Variants in WASHC5 observed in about 807,000 individuals in gnomAD.
The protein encoded by WASHC5 is WASH complex subunit strumpellin.
In WASHC5, 101 loss-of-function variants were observed where a neutral mutation model predicts 150.4. That is an observed-to-expected ratio of 0.67 (90% CI 0.57 to 0.79). The LOEUF is 0.79. Ranked by LOEUF, WASHC5 falls within the 30% of genes least tolerant of loss-of-function variation. The probability of loss-of-function intolerance (pLI) is 0.00; values close to 1 mark genes in which losing one functional copy is unlikely to be tolerated. For missense variants in WASHC5, 1,195 were observed against 1,396.3 expected (o/e 0.86, Z 2.30); for synonymous variants, 467 against 491.2 (o/e 0.95, Z 0.65).
At chr8:125,036,313 C>T (rs1393664806) in intron 26 of WASHC5, among the ~76,000 whole-genome samples, 1 of 152,136 alleles carries the variant, frequency 6.6e-6, no homozygotes, top group Non-Finnish European at 1.5e-5. Flanking sequence ...AACAAAGGTC[C>T]CTCACATTCT....
At position 125,087,989 on chromosome 8, in the gene WASHC5, C is replaced by A. The variant is rs140618545; in HGVS notation, c.-125+3626G>T. 6.8e-4 allele frequency among the ~76,000 whole-genome samples: 103 copies of A among 152,166 alleles called. No homozygotes were observed. The East Asian group carries it at 0.017, about 25-fold the overall frequency. On this transcript the variant is annotated intron_variant, in intron 1 of 28. Transcript: ENST00000318410. ...ATATGCTAGTTTCCATAGAGCACCTCGGGCAGAAGTCAGAAGGAAATGAGA... is the reference window on the plus strand; with the variant it reads ...ATATGCTAGTTTCCATAGAGCACCTAGGGCAGAAGTCAGAAGGAAATGAGA...
intron 28 of WASHC5, among the ~76,000 whole-genome samples, chr8:125,025,292 T>C (rs191693954): frequency 6.8e-4 from 104 of 152,250 alleles, no homozygotes; most frequent in African/African-American, 2.4e-3. Context: ...AACCTGCTAA[T>C]GAGAGGAAAT....
At chr8:125,085,431 G>A (rs1343348395) in intron 1 of WASHC5, among the ~76,000 whole-genome samples, 1 of 152,152 alleles carries the variant, frequency 6.6e-6, no homozygotes, top group Non-Finnish European at 1.5e-5. Context: ...GGCAGACACA[G>A]GGTTGATTTC....
chr8:125,084,292 G>A (rs1817355219), intron 1 of WASHC5, among the ~76,000 whole-genome samples: 1 of 152,190 alleles, frequency 6.6e-6, no homozygotes, highest in Non-Finnish European at 1.5e-5. Flanking sequence ...CTAGGGAGAA[G>A]GAACCACTGG....
intron 19 of WASHC5, among the ~76,000 whole-genome samples, chr8:125,048,077 T>C (rs1275044803): frequency 1.3e-5 from 2 of 152,144 alleles, no homozygotes; most frequent in African/African-American, 2.4e-5. Context: ...AAATACCACA[T>C]ATAACATTTA....
intron 10 of WASHC5, among the ~76,000 whole-genome samples, chr8:125,065,216 C>G (rs916916466): frequency 1.3e-5 from 2 of 152,136 alleles, no homozygotes; most frequent in Non-Finnish European, 2.9e-5. Flanking sequence ...GAAAGTGACT[C>G]TATGAACTGT....
At chr8:125,068,811 T>C (rs1280986191) in intron 9 of WASHC5, among the ~76,000 whole-genome samples, 8 of 152,244 alleles carry the variant, frequency 5.3e-5, no homozygotes, top group Admixed American at 2.6e-4. Flanking sequence ...AGGCAGTGAT[T>C]GACCCAAGGT....
chr8:125,037,718 G>A (rs1304912179), intron 25 of WASHC5, among the ~76,000 whole-genome samples: 3 of 152,136 alleles, frequency 2.0e-5, no homozygotes, highest in Non-Finnish European at 4.4e-5. Context: ...AGAAGAGAGA[G>A]AGAGGGAAAG....
chr8:125,088,709 A>T (rs1000904020), intron 1 of WASHC5, among the ~76,000 whole-genome samples: 4 of 152,070 alleles, frequency 2.6e-5, no homozygotes, highest in African/African-American at 9.7e-5. Flanking sequence ...TCCCAGCCTG[A>T]CTGCAATGTT....
intron 16 of WASHC5, 73 bp downstream of exon 16, chr8:125,056,604 T>C: frequency 6.5e-7 from 1 of 1,533,914 alleles, no homozygotes; most frequent in East Asian, 2.3e-5. Context: ...ATATGGCAGG[T>C]GACACAGGCC....
intron 16 of WASHC5, among the ~76,000 whole-genome samples, chr8:125,055,936 A>T (rs1816390709): frequency 6.6e-6 from 1 of 152,200 alleles, no homozygotes; most frequent in African/African-American, 2.4e-5. Flanking sequence ...GCAGAATTCA[A>T]TGATCTAGAT....
chr8:125,078,400 C>A (rs964026742), intron 6 of WASHC5, among the ~76,000 whole-genome samples: 3 of 152,304 alleles, frequency 2.0e-5, no homozygotes, highest in South Asian at 2.1e-4. Flanking sequence ...TCAGTAGGGG[C>A]AGGGACATGG....
At chr8:125,070,538 T>C (rs562750840) in intron 9 of WASHC5, among the ~76,000 whole-genome samples, 2 of 152,320 alleles carry the variant, frequency 1.3e-5, no homozygotes, top group South Asian at 4.1e-4. Context: ...GCTGAGTCAC[T>C]AGAAAACCCC....
rs181170709 is a variant in WASHC5 at position 125,064,949 on chromosome 8, T to C, written c.1279-1298A>G. ...GAATAATGAAATTATTTATAGAGTC[T>C]ACCCTAACTTTCTGAGTCCCTCGGA... On this transcript the variant is annotated intron_variant, in intron 10 of 28. Transcript: ENST00000318410. Among the ~76,000 whole-genome samples the C allele has an allele frequency of 1.8e-4, 27 of 152,284 alleles. No homozygotes were observed. In the East Asian group the frequency reaches 5.2e-3, roughly 29 times the overall value.
Position 125,044,692 on chromosome 8 carries a change from T to C in WASHC5, c.2511A>G (p.Thr837=). The part of the protein sequence containing the change: ...EILRITDPKM[T]CHIDQLNTWY... ...AAGTGTTCAGCTGGTCTATGTGACA[T>C]GTCATTCTAAAATGAAAACAATGCA... The change falls in exon 21 of 29, where the codon ACA becomes ACG. Residue 837 remains threonine, a synonymous_variant. Transcript: ENST00000318410. 1 of 1,614,032 alleles carries C rather than the reference T, an allele frequency of 6.2e-7. No individual in the cohort carries two copies. The highest frequency in any genetic ancestry group is 8.5e-7 in the Non-Finnish European group (1 of 1,179,922).
At chr8:125,053,261 A>C (rs922025361) in intron 17 of WASHC5, among the ~76,000 whole-genome samples, 1 of 152,172 alleles carries the variant, frequency 6.6e-6, no homozygotes, top group Non-Finnish European at 1.5e-5. Context: ...CGAGGGCCAC[A>C]GGATTACTTT....
chr8:125,038,803 C>A, intron 25 of WASHC5, 27 bp downstream of exon 25: 1 of 1,612,848 alleles, frequency 6.2e-7, no homozygotes, highest in Non-Finnish European at 8.5e-7. Flanking sequence ...ACCCCCATCC[C>A]CGCCATTATA....
At chr8:125,077,574 G>T (rs1056169778) in intron 6 of WASHC5, among the ~76,000 whole-genome samples, 2 of 152,186 alleles carry the variant, frequency 1.3e-5, no homozygotes, top group African/African-American at 4.8e-5. Context: ...GGAGGAAATG[G>T]AAGCACATTG....
chr8:125,040,556 T>G (rs1815856085), intron 23 of WASHC5: 1 of 154,254 alleles, frequency 6.5e-6, no homozygotes, highest in Non-Finnish European at 1.4e-5. Flanking sequence ...TCCCCATGTG[T>G]CATGGGAGGG....
Sources: gnomAD v4.1 joint callset for allele counts (sites outside exome capture counted in the v4.1 genomes callset) on GRCh38, gnomAD v4.1.1 for gene constraint, MANE v1.5 for transcripts, NCBI Gene and HGNC (gene_info 2026-07-23, HGNC 2026-07-21) for gene names.